ANKFN1: variants seen among roughly 807,000 people sequenced by gnomAD.
ANKFN1 encodes the protein ankyrin repeat and fibronectin type-III domain-containing protein 1.
A neutral mutation model predicts 108.7 loss-of-function variants in ANKFN1; 74 were observed. That is an observed-to-expected ratio of 0.68 (90% confidence interval 0.56 to 0.83). The LOEUF is 0.83. Among genes scored for constraint, ANKFN1 ranks in the 40% least tolerant of loss-of-function variants. The probability of loss-of-function intolerance (pLI) is 0.00; values close to 1 mark genes in which losing one functional copy is unlikely to be tolerated. For missense variants in ANKFN1, 1,505 were observed against 1,382.3 expected (o/e 1.09, Z -1.41); for synonymous variants, 547 against 516.2 (o/e 1.06, Z -0.81).
chr17:56,222,793 G>T (rs767051219), intron 2 of ANKFN1, among the ~76,000 whole-genome samples: 5 of 152,194 alleles, frequency 3.3e-5, no homozygotes, highest in Non-Finnish European at 7.3e-5. Flanking sequence ...CCTTCTTGAA[G>T]AGTGATTTGC....
At chr17:56,329,220 C>T (rs1011882414) in intron 4 of ANKFN1, among the ~76,000 whole-genome samples, 1 of 152,086 alleles carries the variant, frequency 6.6e-6, no homozygotes, top group East Asian at 1.9e-4. Flanking sequence ...GGCTTCTTTC[C>T]AAAGGTCCTG....
chr17:56,276,405 T>C (rs935467834), intron 3 of ANKFN1, among the ~76,000 whole-genome samples: 7 of 152,316 alleles, frequency 4.6e-5, no homozygotes, highest in African/African-American at 1.4e-4. Context: ...TTTCTAGTTC[T>C]AGGTCCTTGA....
chr17:56,142,405 GA>G (rs1478347735), intron 4 of ANKFN1, among the ~76,000 whole-genome samples: 1 of 152,208 alleles, frequency 6.6e-6, no homozygotes, highest in Admixed American at 6.5e-5. Context: ...ACTCCATGAA[GA>G]GTAAATCATT....
intron 3 of ANKFN1, among the ~76,000 whole-genome samples, chr17:56,246,840 G>A (rs912185715): frequency 6.6e-6 from 1 of 152,044 alleles, no homozygotes; most frequent in Non-Finnish European, 1.5e-5. Flanking sequence ...ACATGTTGTA[G>A]GGGAGTTTCT....
intron 3 of ANKFN1, among the ~76,000 whole-genome samples, chr17:56,242,187 A>G (rs1453102164): frequency 3.3e-5 from 5 of 152,152 alleles, no homozygotes; most frequent in African/African-American, 7.2e-5. Context: ...TATTACCTAT[A>G]TCTTCTCTGT....
At chr17:56,439,925 A>G (rs894238813) in intron 8 of ANKFN1, among the ~76,000 whole-genome samples, 4 of 152,122 alleles carry the variant, frequency 2.6e-5, no homozygotes, top group Admixed American at 2.6e-4. Context: ...ATGTGTGTGT[A>G]TATTCATATA....
At chr17:56,437,716 C>T (rs1277005172) in intron 8 of ANKFN1, among the ~76,000 whole-genome samples, 1 of 151,516 alleles carries the variant, frequency 6.6e-6, no homozygotes, top group Non-Finnish European at 1.5e-5. Context: ...GTTAGTAGCT[C>T]GTAAGTGGAA....
chr17:56,487,379 C>T (rs956198071), intron 18 of ANKFN1, among the ~76,000 whole-genome samples: 2 of 152,110 alleles, frequency 1.3e-5, no homozygotes, highest in African/African-American at 4.8e-5. Context: ...GACGTGGCCC[C>T]TTGAGGACTT....
chr17:56,465,318 T>C (rs544132297), intron 14 of ANKFN1, among the ~76,000 whole-genome samples: 16 of 152,360 alleles, frequency 1.1e-4, no homozygotes, highest in African/African-American at 3.8e-4. Context: ...TTATTTGTCC[T>C]ATGTCTGGTC....
chr17:56,412,832 T>G (rs1046526362), intron 8 of ANKFN1, among the ~76,000 whole-genome samples: 2 of 152,332 alleles, frequency 1.3e-5, no homozygotes. Flanking sequence ...CAATACTCCT[T>G]AATAAACTTC....
intron 8 of ANKFN1, among the ~76,000 whole-genome samples, chr17:56,439,205 G>C (rs188745018): frequency 6.6e-6 from 1 of 152,170 alleles, no homozygotes; most frequent in African/African-American, 2.4e-5. Context: ...CTCGAGGGGC[G>C]CAGCAGGCTT....
At chr17:56,401,403 G>A (rs866314939) in intron 8 of ANKFN1, among the ~76,000 whole-genome samples, 14 of 103,208 alleles carry the variant, frequency 1.4e-4, no homozygotes, top group African/African-American at 4.3e-4. Flanking sequence ...GTTGTGTTGT[G>A]TTGTGTTGTA....
At chr17:56,388,146 CT>C (rs1008287175) in intron 8 of ANKFN1, among the ~76,000 whole-genome samples, 24 of 147,152 alleles carry the variant, frequency 1.6e-4, no homozygotes, top group Admixed American at 2.7e-4. Context: ...TTCTTTCTTT[CT>C]TTTTTTTTTG....
intron 4 of ANKFN1, among the ~76,000 whole-genome samples, chr17:56,145,278 G>A (rs1908190385): frequency 6.6e-6 from 1 of 152,170 alleles, no homozygotes; most frequent in Non-Finnish European, 1.5e-5. Flanking sequence ...AGACATAAAG[G>A]GAGTCAGAAA....
intron 4 of ANKFN1, among the ~76,000 whole-genome samples, chr17:56,102,302 A>G (rs1482538168): frequency 1.3e-5 from 2 of 152,224 alleles, no homozygotes; most frequent in East Asian, 3.8e-4. Context: ...ACGGTCAATT[A>G]TAAATACTTG....
At chr17:56,428,231 T>C (rs546223652) in intron 8 of ANKFN1, among the ~76,000 whole-genome samples, 83 of 146,208 alleles carry the variant, frequency 5.7e-4, no homozygotes, top group Non-Finnish European at 1.1e-3. Context: ...TGAAAATCCA[T>C]CTCAAAAAAA....
intron 4 of ANKFN1, among the ~76,000 whole-genome samples, chr17:56,063,296 G>A (rs982049325): frequency 2.6e-5 from 4 of 152,098 alleles, no homozygotes; most frequent in Non-Finnish European, 4.4e-5. Flanking sequence ...ATATTGGCCT[G>A]TCTTGTTAGA....
At chr17:56,259,949 C>T (rs1336058539) in intron 3 of ANKFN1, among the ~76,000 whole-genome samples, 1 of 151,502 alleles carries the variant, frequency 6.6e-6, no homozygotes, top group Non-Finnish European at 1.5e-5. Context: ...CACACACACT[C>T]TTTTCAAATT....
chr17:56,199,112 A>G (rs2143742816), intron 1 of ANKFN1, among the ~76,000 whole-genome samples: 1 of 152,140 alleles, frequency 6.6e-6, no homozygotes, highest in African/African-American at 2.4e-5. Context: ...CATGGCCCCC[A>G]TCTTTTCATC....
Sources: allele counts gnomAD v4.1 joint callset (sites outside exome capture counted in the v4.1 genomes callset), GRCh38; gene constraint gnomAD v4.1.1; transcripts MANE v1.5; gene names NCBI Gene and HGNC (gene_info 2026-07-23, HGNC 2026-07-21).